Variants in VGLL4 observed in about 807,000 individuals in gnomAD.
VGLL4 encodes transcription cofactor vestigial-like protein 4.
Under a neutral mutation model 21.0 loss-of-function variants are expected in VGLL4, and 7 were observed. The ratio of observed to expected loss-of-function variants is 0.33; its 90% confidence interval spans 0.19 to 0.63. The LOEUF (loss-of-function observed/expected upper bound fraction) is 0.63. Among genes scored for constraint, VGLL4 ranks in the 20% least tolerant of loss-of-function variants. The probability of loss-of-function intolerance (pLI) is 0.78; values close to 1 mark genes in which losing one functional copy is unlikely to be tolerated. For missense variants in VGLL4, 394 were observed against 425.7 expected (o/e 0.93, Z 0.66); for synonymous variants, 222 against 173.2 (o/e 1.28, Z -2.21).
chr3:11,632,268 G>A (rs575494175), intron 1 of VGLL4, among the ~76,000 whole-genome samples: 189 of 152,138 alleles, frequency 1.2e-3, no homozygotes, highest in Non-Finnish European at 1.7e-3. Context: ...AGCTGAGATC[G>A]TGCCACTGCA....
chr3:11,629,746 C>CAAAAAAAAA (rs10609918), intron 1 of VGLL4, among the ~76,000 whole-genome samples: 1 of 85,362 alleles, frequency 1.2e-5, no homozygotes, highest in Non-Finnish European at 2.3e-5. Context: ...AGACGGGTCT[C>CAAAAAAAAA]AAAAAAAAAA....
intron 3 of VGLL4, among the ~76,000 whole-genome samples, chr3:11,563,926 G>A (rs1433108076): frequency 6.6e-6 from 1 of 152,132 alleles, no homozygotes; most frequent in Non-Finnish European, 1.5e-5. Flanking sequence ...CATCAGACAC[G>A]GACACCAGGC....
chr3:11,559,489 C>T, intron 3 of VGLL4, 34 bp from the exon 4 acceptor site: 1 of 1,523,468 alleles, frequency 6.6e-7, no homozygotes, highest in Non-Finnish European at 8.8e-7. Flanking sequence ...ATGTGGAGAC[C>T]AGCTTCAGTA....
At chr3:11,705,398 A>C (rs2076746129) in intron 1 of VGLL4, among the ~76,000 whole-genome samples, 1 of 152,212 alleles carries the variant, frequency 6.6e-6, no homozygotes, top group Admixed American at 6.5e-5. Context: ...GGGCCACGGA[A>C]GACTAAGAGT....
intron 1 of VGLL4, among the ~76,000 whole-genome samples, chr3:11,706,507 A>G (rs75230269): frequency 6.6e-6 from 1 of 152,216 alleles, no homozygotes; most frequent in Non-Finnish European, 1.5e-5. Context: ...TATTATTTAA[A>G]ACTAAAATGG....
chr3:11,636,909 CTG>C (rs2075599044), intron 1 of VGLL4, among the ~76,000 whole-genome samples: 1 of 152,120 alleles, frequency 6.6e-6, no homozygotes, highest in African/African-American at 2.4e-5. Flanking sequence ...TATATAATGT[CTG>C]TATATCCCAC....
chr3:11,642,364 T>C (rs1343953679), intron 1 of VGLL4, among the ~76,000 whole-genome samples: 1 of 152,214 alleles, frequency 6.6e-6, no homozygotes, highest in Non-Finnish European at 1.5e-5. Flanking sequence ...AGTTTTCAAC[T>C]GATTAGGAAA....
chr3:11,590,002 A>C (rs931046650), intron 2 of VGLL4, among the ~76,000 whole-genome samples: 3 of 152,048 alleles, frequency 2.0e-5, no homozygotes, highest in African/African-American at 7.2e-5. Context: ...CATTTGAGAA[A>C]CTCGGCTAAA....
intron 2 of VGLL4, among the ~76,000 whole-genome samples, chr3:11,674,011 CAAAAAAAAAAAAAAA>C (rs11293628): frequency 1.9e-4 from 11 of 56,878 alleles, no homozygotes; most frequent in African/African-American, 7.9e-4. Context: ...GACTTTGTCT[CAAAAAAAAAAAAAAA>C]AAAAAAAAAA....
chr3:11,685,630 C>T (rs2076436204), intron 2 of VGLL4, among the ~76,000 whole-genome samples: 1 of 152,086 alleles, frequency 6.6e-6, no homozygotes, highest in Admixed American at 6.6e-5. Context: ...TGGGTATATA[C>T]CCAGAAATGT....
chr3:11,592,182 C>G (rs1261398306), intron 2 of VGLL4, among the ~76,000 whole-genome samples: 1 of 152,218 alleles, frequency 6.6e-6, no homozygotes, highest in Non-Finnish European at 1.5e-5. Context: ...CACATGTCTT[C>G]AAATACTTAA....
At position 11,601,894 on chromosome 3, in the gene VGLL4, C is replaced by T. The variant is rs77883256; in HGVS notation, c.211G>A (p.Glu71Lys). 1.2e-4 allele frequency: 199 copies of T among 1,613,756 alleles called. No homozygotes were observed. The highest frequency in any genetic ancestry group is 1.1e-3 in the African/African-American group (86 of 75,000). Residue 71 changes from glutamate (E) to lysine (K), a missense_variant, in exon 2 of 5, where the codon GAG (glutamate) becomes AAG (lysine). Glu to Lys is a moderately conservative substitution (Grantham distance 56). Transcript: ENST00000430365. ...KRKFSMEPGD[E>K]DLDCDNDHVS... ...TGGTCGTTGTCACAGTCTAGGTCCT[C>T]GTCACCTGGCTCCATGCTGAACTTC...
chr3:11,639,954 T>C (rs939506767), intron 1 of VGLL4, among the ~76,000 whole-genome samples: 5 of 152,126 alleles, frequency 3.3e-5, no homozygotes, highest in Non-Finnish European at 7.3e-5. Context: ...CAAAACTCAA[T>C]TCAATCCTGC....
intron 1 of VGLL4, among the ~76,000 whole-genome samples, chr3:11,714,345 C>G (rs1210284419): frequency 1.3e-5 from 2 of 152,128 alleles, no homozygotes; most frequent in African/African-American, 4.8e-5. Flanking sequence ...CAAGTCTGAA[C>G]TTTCTGAGCA....
rs570194082 is a variant in VGLL4 at position 11,609,512 on chromosome 3, C to G, written c.83-7490G>C. 2.0e-5 allele frequency among the ~76,000 whole-genome samples: 3 copies of G among 152,314 alleles called. No individual in the cohort carries two copies. The South Asian group carries it at 6.2e-4, about 32-fold the overall frequency. On this transcript the variant is annotated intron_variant, in intron 1 of 4. Coordinates refer to ENST00000430365, the MANE Select transcript of VGLL4 (RefSeq NM_001128219.3). ...TTCGAATACTACAAGAAAGTTGTAG[C>G]CAGCTGAAACCTGGACAAATAGAAT...
chr3:11,562,740 C>T (rs2073140481), intron 3 of VGLL4, among the ~76,000 whole-genome samples: 1 of 152,246 alleles, frequency 6.6e-6, no homozygotes, highest in Admixed American at 6.5e-5. Flanking sequence ...GCAGGACTGA[C>T]CAACCCCAGC....
At chr3:11,571,913 C>T (rs2073792412) in intron 2 of VGLL4, among the ~76,000 whole-genome samples, 1 of 152,154 alleles carries the variant, frequency 6.6e-6, no homozygotes, top group African/African-American at 2.4e-5. Context: ...TCAAGACCAG[C>T]CTGGGAAACA....
chr3:11,556,511 GT>G lies in VGLL4; in HGVS notation c.*2044del. On this transcript the variant is annotated 3_prime_UTR_variant, in exon 5 of 5. Coordinates refer to ENST00000430365, the MANE Select transcript of VGLL4 (RefSeq NM_001128219.3). ...TTCCTGTTACGACGCTCAGTAGCCT[GT>G]AGCAATAACAAACTCGTGGCTATGA... 1 of 152,746 alleles carries G rather than the reference GT, an allele frequency of 6.5e-6. No homozygotes were observed. The highest frequency in any genetic ancestry group is 1.9e-4 in the East Asian group (1 of 5,312). The allele number at this position is 152,746 out of a possible 1,614,324, so 9.5% of individuals were successfully genotyped here. A position where few individuals can be genotyped will look rare whatever the true frequency, so the allele number is the denominator to read the frequency against.
At chr3:11,609,649 C>T (rs1224226845) in intron 1 of VGLL4, among the ~76,000 whole-genome samples, 1 of 152,192 alleles carries the variant, frequency 6.6e-6, no homozygotes, top group Non-Finnish European at 1.5e-5. Flanking sequence ...ATGGACTCTC[C>T]CAGGGATAAG....
Sources: allele counts gnomAD v4.1 joint callset (sites outside exome capture counted in the v4.1 genomes callset), GRCh38; gene constraint gnomAD v4.1.1; transcripts MANE v1.5; gene names NCBI Gene and HGNC (gene_info 2026-07-23, HGNC 2026-07-21).